The following MVD variants were observed in gnomAD, a reference collection of about 807,000 sequenced individuals.
MVD encodes diphosphomevalonate decarboxylase.
MVD carries 52 observed loss-of-function variants against 42.4 expected under a neutral mutation model. That is an observed-to-expected ratio of 1.23 (90% CI 0.98 to 1.55). The LOEUF is 1.55. Among genes scored for constraint, MVD ranks in the 40% most tolerant of loss-of-function variants. The pLI, the probability that MVD is intolerant of heterozygous loss-of-function variation, is 0.00. For synonymous variants in MVD, 287 were observed against 243.2 expected, an observed-to-expected ratio of 1.18 and a Z score of -1.68; for missense variants, 663 against 572.1, an observed-to-expected ratio of 1.16 and a Z score of -1.62.
In MVD at chr16:88,654,715, A is replaced by C. The variant is rs759021364; in HGVS notation, c.990T>G (p.Phe330Leu). 5.6e-6 allele frequency: 9 copies of C among 1,598,796 alleles called. No individual in the cohort carries two copies. Among genetic ancestry groups the C allele is most frequent in the Middle Eastern group, 1.7e-4 (1 of 5,998 alleles). Reference sequence around the variant, plus strand: ...ACGTGTCTCCATTCGAGCCTGGGGGAAAGCCGTGCCACACAGCAGCCACAA... The same window carrying C: ...ACGTGTCTCCATTCGAGCCTGGGGGCAAGCCGTGCCACACAGCAGCCACAA... ...AEFVAAVWHG[F>L]PPGSNGDTFL... The change falls in exon 8 of 10, where the codon TTT becomes TTG. Residue 330 changes from phenylalanine to leucine, a missense_variant. By Grantham distance (22) the Phe-to-Leu change is conservative. Transcript: ENST00000301012.
chr16:88,652,672 A>C (rs1907648729), intron 9 of MVD, 67 bp from the exon 10 acceptor site: 3 of 1,426,824 alleles, frequency 2.1e-6, no homozygotes, highest in Admixed American at 2.0e-5. Context: ...CAGCATCTGT[A>C]GGGCCGGACA....
rs550700369 is a variant in MVD, at chr16:88,663,057, C to T, written c.24G>A (p.Ala8=). 44 of 1,610,504 alleles carry T rather than the reference C, an allele frequency of 2.7e-5. 1 individual carries two copies. The South Asian group carries it at 4.1e-4, about 15-fold the overall frequency. The part of the protein sequence containing the change: MASEKPL[A]AVTCTAPVNI... ...TGACCGGCGCTGTACAAGTGACTGC[C>T]GCCAGCGGCTTCTCCGAGGCCATGG... Residue 8 remains alanine, a synonymous_variant, in exon 1 of 10, where the codon GCG becomes GCA. Transcript: ENST00000301012.
chr16:88,657,530 G>T lies in MVD; in HGVS notation c.309C>A (p.Pro103=), dbSNP rs1041832073. ...CGTGCACCTTGCAGCTGAGGCTGGAGGGCAGCGGGTCCCCATCCCGTGAGT... is the reference window on the plus strand; with the variant it reads ...CGTGCACCTTGCAGCTGAGGCTGGATGGCAGCGGGTCCCCATCCCGTGAGT... ...RRNSRDGDPL[P]SSLSCKVHVA... The change falls in exon 4 of 10, where the codon CCC becomes CCA. Residue 103 remains proline, a synonymous_variant. Coordinates refer to ENST00000301012, the MANE Select transcript of MVD (RefSeq NM_002461.3). 6.2e-7 allele frequency: 1 copy of T among 1,612,708 alleles called. No homozygotes were observed. Among genetic ancestry groups the T allele is most frequent in the Non-Finnish European group, 8.5e-7 (1 of 1,179,938 alleles).
chr16:88,656,061 CAG>C (rs750691504), intron 5 of MVD, 42 bp downstream of exon 5: 1 of 1,547,064 alleles, frequency 6.5e-7, no homozygotes, highest in East Asian at 2.3e-5. Flanking sequence ...TGACTAGGGA[CAG>C]AGGCCACCGG....
At chr16:88,654,844 G>A in intron 7 of MVD, 37 bp from the exon 8 acceptor site, 1 of 1,530,844 alleles carries the variant, frequency 6.5e-7, no homozygotes, top group Non-Finnish European at 8.8e-7. Context: ...TATTCACGTG[G>A]TGCCTGACCC....
chr16:88,658,276 C>G (rs868222), intron 2 of MVD, among the ~76,000 whole-genome samples: 2,372 of 152,270 alleles, frequency 0.016, 60 homozygotes, highest in African/African-American at 0.052. Context: ...CCCAGGGGAG[C>G]CCCTGGGGCA....
chr16:88,655,673 T>A lies in MVD; in HGVS notation c.661A>T (p.Thr221Ser). ...STVGMRASVETSPLLRFRAES... is the reference protein window; with the variant it reads ...STVGMRASVESSPLLRFRAES... ...GGCCTTACCCGAAGCAGGGGGCTGGTCTCCACACTGGCCCGCATGCCCACG... is the reference window on the plus strand; with the variant it reads ...GGCCTTACCCGAAGCAGGGGGCTGGACTCCACACTGGCCCGCATGCCCACG... Residue 221 changes from threonine to serine, a missense_variant, in exon 6 of 10, where the codon ACC becomes TCC. Physicochemically the swap from Thr to Ser is moderately conservative, Grantham distance 58. Coordinates refer to ENST00000301012, the MANE Select transcript of MVD (RefSeq NM_002461.3). The A allele has an allele frequency of 1.3e-6, 2 of 1,556,424 alleles. No homozygotes were observed. Among genetic ancestry groups the A allele is most frequent in the Non-Finnish European group, 1.7e-6 (2 of 1,150,258 alleles).
rs917637019 is a variant in MVD at position 88,663,001 on chromosome 16, C to T, written c.70+10G>A. On this transcript the variant is annotated intron_variant, in intron 1 of 9. Transcript: ENST00000301012. Reference sequence around the variant, plus strand: ...GCCATCCCCGTCCCAGGCCGGCCCGCGGCACTCACAGTACTTGATGACCGC... The same window carrying T: ...GCCATCCCCGTCCCAGGCCGGCCCGTGGCACTCACAGTACTTGATGACCGC... 1.9e-6 allele frequency: 3 copies of T among 1,596,376 alleles called. No homozygotes were observed. Among genetic ancestry groups the T allele is most frequent in the African/African-American group, 1.3e-5 (1 of 74,216 alleles).
At position 88,653,367 on chromosome 16, in the gene MVD, G is replaced by A; in HGVS notation, c.1055C>T (p.Ala352Val). The stretch of plus-strand genomic sequence containing the variant: ...CATGGCCAGCGCAGCCTGAAGCTCA[G>A]CTGAGAGAGGGGCCGGCCTCACCTG... ...GLQVRPAPLS[A>V]ELQAALAMEP... The change falls in exon 9 of 10, where the codon GCT (alanine) becomes GTT (valine). Residue 352 changes from alanine (A) to valine (V), a missense_variant. Ala to Val is a moderately conservative substitution (Grantham distance 64). Transcript: ENST00000301012. 3 of 1,599,700 alleles carry A rather than the reference G, an allele frequency of 1.9e-6. No homozygotes were observed. The highest frequency in any genetic ancestry group is 2.6e-6 in the Non-Finnish European group (3 of 1,176,392).
At position 88,656,118 on chromosome 16, in the gene MVD, A is replaced by T; in HGVS notation, c.590T>A (p.Val197Glu). Residue 197 changes from valine (V) to glutamate (E), a missense_variant, in exon 5 of 10, where the codon GTG becomes GAG. By Grantham distance (121) the Val-to-Glu change is moderately radical (BLOSUM62 -2). Transcript: ENST00000301012. ...APESHWPELR[V>E]LILVVSAEKK... The stretch of plus-strand genomic sequence containing the variant: ...CACCCCACTCACCACAAGGATGAGC[A>T]CGCGGAGTTCAGGCCAGTGTGACTC... 2 of 1,600,682 alleles carry T rather than the reference A, an allele frequency of 1.2e-6. No homozygotes were observed. Among genetic ancestry groups the T allele is most frequent in the South Asian group, 2.2e-5 (2 of 91,046 alleles).
Position 88,652,557 on chromosome 16 carries a change from C to G in MVD, c.1171G>C (p.Gly391Arg). 9 of 1,573,046 alleles carry G rather than the reference C, an allele frequency of 5.7e-6. No homozygotes were observed. The highest frequency in any genetic ancestry group is 7.8e-6 in the Non-Finnish European group (9 of 1,159,230). ...GCTGGCTTCGGCAGGCCGTCAGGAC[C>G]CAGGAGGTGGGCGCAGGGGTCATCC... is the stretch of plus-strand genomic sequence containing the variant. ...ILDDPCAHLL[G>R]PDGLPKPAA Residue 391 changes from glycine (G) to arginine (R), a missense_variant, in exon 10 of 10, where the codon GGT becomes CGT. Gly to Arg is a moderately radical substitution (Grantham distance 125). Transcript: ENST00000301012.
chr16:88,655,946 G>A, intron 5 of MVD, 159 bp downstream of exon 5: 2 of 1,181,932 alleles, frequency 1.7e-6, no homozygotes, highest in East Asian at 2.6e-5. Flanking sequence ...CATGGGAGCG[G>A]TTCCTGAGCA....
intron 5 of MVD, 80 bp from the exon 6 acceptor site, chr16:88,655,810 C>A: frequency 8.7e-6 from 13 of 1,490,140 alleles, no homozygotes; most frequent in Non-Finnish European, 1.2e-5. Context: ...ACTCGGCCCT[C>A]CCTCAGCCAA....
intron 1 of MVD, 191 bp from the exon 2 acceptor site, chr16:88,658,911 G>T: frequency 1.7e-6 from 1 of 592,826 alleles, no homozygotes. Context: ...ACTGAGCTCA[G>T]GCTCCCAGAG....
Position 88,657,467 on chromosome 16 carries a change from C to T in MVD, c.372G>A (p.Leu124=). The T allele has an allele frequency of 6.2e-7, 1 of 1,611,862 alleles. No homozygotes were observed. The highest frequency in any genetic ancestry group is 1.7e-5 in the Admixed American group (1 of 59,928). Residue 124 remains leucine, a synonymous_variant, in exon 4 of 10, where the codon CTG becomes CTA. Transcript: ENST00000301012. The part of the protein sequence containing the change: ...SVNNFPTAAG[L]ASSAAGYACL... ...AGGCATAGCCCGCCGCTGAGGAGGC[C>T]AGGCCCGCAGCCGTGGGGAAGTTGT... is the stretch of plus-strand genomic sequence containing the variant.
chr16:88,657,601 A>C lies in MVD; in HGVS notation c.257-19T>G. 6.2e-7 allele frequency: 1 copy of C among 1,608,232 alleles called. No homozygotes were observed. Among genetic ancestry groups the C allele is most frequent in the Non-Finnish European group, 8.5e-7 (1 of 1,176,346 alleles). On this transcript the variant is annotated intron_variant, in intron 3 of 9. Transcript: ENST00000301012. ...CAGCGGACTGCAGAGACAATGAGACAGCGTGTGGCCCAGCCGTCAGCACCC... is the reference window on the plus strand; with the variant it reads ...CAGCGGACTGCAGAGACAATGAGACCGCGTGTGGCCCAGCCGTCAGCACCC...
chr16:88,655,920 G>A, intron 5 of MVD, 185 bp downstream of exon 5: 1 of 1,101,190 alleles, frequency 9.1e-7, no homozygotes. Context: ...ATCCCAGCGG[G>A]TGGTGGCGCC....
At chr16:88,655,863 C>T in intron 5 of MVD, 133 bp from the exon 6 acceptor site, 1 of 1,199,234 alleles carries the variant, frequency 8.3e-7, no homozygotes. Flanking sequence ...TGCCTGACCA[C>T]AGAGGCCTCC....
In MVD at chr16:88,658,156, G is replaced by A. The variant is rs577551073; in HGVS notation, c.142-127C>T. The A allele has an allele frequency of 3.2e-5, 29 of 915,512 alleles. No homozygotes were observed. In the African/African-American group the frequency reaches 4.3e-4, roughly 13 times the overall value. The allele number at this position is 915,512 out of a possible 1,614,324, so 56.7% of individuals were successfully genotyped here. Reference sequence around the variant, plus strand: ...CAAGGTCAGCCCTGCTGAGGGCAGGGGGGGAAAGGCCAGTCTCAGCTGGGC... The same window carrying A: ...CAAGGTCAGCCCTGCTGAGGGCAGGAGGGGAAAGGCCAGTCTCAGCTGGGC... On this transcript the variant is annotated intron_variant, in intron 2 of 9. Coordinates refer to ENST00000301012, the MANE Select transcript of MVD (RefSeq NM_002461.3).
Sources: gnomAD v4.1 joint callset for allele counts (sites outside exome capture counted in the v4.1 genomes callset) on GRCh38, gnomAD v4.1.1 for gene constraint, MANE v1.5 for transcripts, NCBI Gene and HGNC (gene_info 2026-07-23, HGNC 2026-07-21) for gene names.